The following GREB1L variants were observed in gnomAD, a reference collection of about 807,000 sequenced individuals.
GREB1L encodes GREB1-like protein.
A neutral mutation model predicts 200.8 loss-of-function variants in GREB1L; 17 were observed. The ratio of observed to expected loss-of-function variants is 0.08; its 90% CI spans 0.06 to 0.13. GREB1L has a LOEUF of 0.13. GREB1L is among the 10% of genes least tolerant of loss of function. The probability of loss-of-function intolerance (pLI) is 1.00; values close to 1 mark genes in which losing one functional copy is unlikely to be tolerated. For missense variants in GREB1L, 1,657 were observed against 2,367.7 expected, an observed-to-expected ratio of 0.70 and a Z score of 6.23; for synonymous variants, 789 against 893.0, an observed-to-expected ratio of 0.88 and a Z score of 2.08.
At position 21,305,015 on chromosome 18, in the gene GREB1L, T is replaced by C. The variant is rs541002475; in HGVS notation, c.-119-61012T>C. On this transcript the variant is annotated intron_variant, in intron 1 of 32. Coordinates refer to ENST00000424526, the MANE Select transcript of GREB1L (RefSeq NM_001142966.3). The stretch of plus-strand genomic sequence containing the variant: ...TTTTTTTCCAGACAGAGTGTCGCTC[T>C]GTTGCCAGGCTGGAGTGCAGTGGCA... 3.3e-5 allele frequency among the ~76,000 whole-genome samples: 5 copies of C among 152,102 alleles called. No individual in the cohort carries two copies. The East Asian group carries it at 7.7e-4, about 24-fold the overall frequency.
Position 21,363,300 on chromosome 18 carries a change from C to A in GREB1L, c.-119-2727C>A, listed in dbSNP as rs1451198997. On this transcript the variant is annotated intron_variant, in intron 1 of 32. Coordinates refer to ENST00000424526, the MANE Select transcript of GREB1L (RefSeq NM_001142966.3). Reference sequence around the variant, plus strand: ...CGCCTCCCCCCCGCCCCCCCCCCCCCACACACACAAGAACTCCTCCTGCCT... The same window carrying A: ...CGCCTCCCCCCCGCCCCCCCCCCCCAACACACACAAGAACTCCTCCTGCCT... Among the ~76,000 whole-genome samples, 10 of 107,350 alleles carry A rather than the reference C, an allele frequency of 9.3e-5. 1 individual carries two copies. In the South Asian group the frequency reaches 1.2e-3, roughly 13 times the overall value. 70.4% of individuals were successfully genotyped at this position (107,350 alleles called of 152,430 possible). A position where few individuals can be genotyped will look rare whatever the true frequency, so the allele number is the denominator to read the frequency against.
intron 16 of GREB1L, among the ~76,000 whole-genome samples, chr18:21,473,811 A>G (rs950059799): frequency 2.0e-5 from 3 of 152,198 alleles, no homozygotes; most frequent in African/African-American, 7.2e-5. Flanking sequence ...CATTGGACTC[A>G]CAGCTCCTCG....
intron 1 of GREB1L, among the ~76,000 whole-genome samples, chr18:21,246,562 G>C (rs897879884): frequency 1.6e-4 from 25 of 152,132 alleles, no homozygotes; most frequent in Admixed American, 1.1e-3. Flanking sequence ...CTGAGTGATG[G>C]AAATTTCATT....
At chr18:21,346,983 C>T (rs959397153) in intron 1 of GREB1L, among the ~76,000 whole-genome samples, 7 of 152,176 alleles carry the variant, frequency 4.6e-5, no homozygotes, top group African/African-American at 1.7e-4. Context: ...CCTTGTTCAC[C>T]ACACTTGCTT....
At chr18:21,503,103 T>C (rs1455769291) in intron 23 of GREB1L, among the ~76,000 whole-genome samples, 2 of 152,198 alleles carry the variant, frequency 1.3e-5, no homozygotes. Flanking sequence ...GTTAAAAAGA[T>C]ATTAGCTGTA....
chr18:21,454,246 G>T, intron 14 of GREB1L, 120 bp from the exon 15 acceptor site: 2 of 677,806 alleles, frequency 3.0e-6, no homozygotes, highest in Non-Finnish European at 5.1e-6. Context: ...TAGCAGGTGA[G>T]AATTCGTAGT....
At chr18:21,370,830 C>T (rs2039844005) in intron 2 of GREB1L, among the ~76,000 whole-genome samples, 1 of 152,204 alleles carries the variant, frequency 6.6e-6, no homozygotes, top group African/African-American at 2.4e-5. Flanking sequence ...TATAATTCCA[C>T]ACTTTGAGAG....
At chr18:21,510,336 C>T (rs1049170057) in intron 27 of GREB1L, among the ~76,000 whole-genome samples, 1 of 151,808 alleles carries the variant, frequency 6.6e-6, no homozygotes, top group African/African-American at 2.4e-5. Context: ...GAAACAGAAA[C>T]TCTATACCCA....
intron 12 of GREB1L, among the ~76,000 whole-genome samples, chr18:21,450,362 C>T (rs1244547007): frequency 6.6e-6 from 1 of 152,134 alleles, no homozygotes; most frequent in Non-Finnish European, 1.5e-5. Flanking sequence ...ATCAGGCACC[C>T]TCTTGGGTAG....
At chr18:21,262,132 A>G (rs1339427675) in intron 1 of GREB1L, among the ~76,000 whole-genome samples, 1 of 152,190 alleles carries the variant, frequency 6.6e-6, no homozygotes, top group Non-Finnish European at 1.5e-5. Flanking sequence ...ACACGGTCAG[A>G]CACACTGGTT....
chr18:21,508,059 G>A (rs2037087043), intron 25 of GREB1L, 59 bp from the exon 26 acceptor site: 1 of 1,485,956 alleles, frequency 6.7e-7, no homozygotes. Context: ...GGAGTGGCCT[G>A]GAAGTTTGGA....
intron 7 of GREB1L, among the ~76,000 whole-genome samples, chr18:21,429,912 G>A (rs1308194550): frequency 6.6e-6 from 1 of 151,994 alleles, no homozygotes; most frequent in Non-Finnish European, 1.5e-5. Flanking sequence ...ATTTTCACAC[G>A]GTCCTGGACA....
chr18:21,469,811 T>A (rs2145651389), intron 15 of GREB1L, among the ~76,000 whole-genome samples: 1 of 152,328 alleles, frequency 6.6e-6, no homozygotes, highest in Non-Finnish European at 1.5e-5. Flanking sequence ...ACTTTTTTTC[T>A]GGTAATTACA....
chr18:21,359,426 G>A (rs1293626277), intron 1 of GREB1L, among the ~76,000 whole-genome samples: 1 of 151,992 alleles, frequency 6.6e-6, no homozygotes, highest in Non-Finnish European at 1.5e-5. Context: ...CTCCAGGCTG[G>A]GTGACAGGAT....
intron 7 of GREB1L, among the ~76,000 whole-genome samples, chr18:21,421,395 A>G (rs1328288393): frequency 6.6e-6 from 1 of 152,248 alleles, no homozygotes; most frequent in Non-Finnish European, 1.5e-5. Context: ...ATTCAACTGA[A>G]TCAAAAATAA....
At position 21,393,026 on chromosome 18, in the gene GREB1L, C is replaced by A. The variant is rs145904835; in HGVS notation, c.356-2359C>A. Among the ~76,000 whole-genome samples, 1,192 of 152,306 alleles carry A rather than the reference C, an allele frequency of 7.8e-3. 19 individuals carry two copies. Among genetic ancestry groups the A allele is most frequent in the African/African-American group, 0.028 (1,147 of 41,572 alleles). On this transcript the variant is annotated intron_variant, in intron 4 of 32. Transcript: ENST00000424526. ...GGACCCAAGCGATCTGCCTCTTTGG[C>A]CTCCCAAAGTGCTGGGATTACAGGC...
At chr18:21,382,350 A>C (rs963330883) in intron 2 of GREB1L, among the ~76,000 whole-genome samples, 2 of 151,982 alleles carry the variant, frequency 1.3e-5, no homozygotes, top group African/African-American at 4.8e-5. Flanking sequence ...GTCTCAAAAA[A>C]ATTTTTAAAA....
chr18:21,288,280 C>CT (rs1331563656), intron 1 of GREB1L, among the ~76,000 whole-genome samples: 2 of 151,972 alleles, frequency 1.3e-5, no homozygotes, highest in African/African-American at 4.8e-5. Flanking sequence ...GAGCTGTGAT[C>CT]TTTCTTCCAC....
chr18:21,449,933 C>T, intron 12 of GREB1L, 97 bp downstream of exon 12: 1 of 923,094 alleles, frequency 1.1e-6, no homozygotes, highest in Non-Finnish European at 1.6e-6. Flanking sequence ...TCCACATAAT[C>T]AACCTCTGAT....
Sources: gnomAD v4.1 joint callset for allele counts (sites outside exome capture counted in the v4.1 genomes callset) on GRCh38, gnomAD v4.1.1 for gene constraint, MANE v1.5 for transcripts, NCBI Gene and HGNC (gene_info 2026-07-23, HGNC 2026-07-21) for gene names.